The following SYNRG variants were observed in gnomAD, a reference collection of about 807,000 sequenced individuals.
The protein encoded by SYNRG is AP1 gamma subunit binding protein 1.
In SYNRG, 37 loss-of-function variants were observed where a neutral mutation model predicts 130.9. The observed-to-expected ratio is 0.28, with a 90% confidence interval of 0.22 to 0.37. The LOEUF (loss-of-function observed/expected upper bound fraction) is 0.37. Among genes scored for constraint, SYNRG ranks in the 10% least tolerant of loss-of-function variants. The probability of loss-of-function intolerance (pLI) is 1.00; values close to 1 mark genes in which losing one functional copy is unlikely to be tolerated. For synonymous variants in SYNRG, 539 were observed against 568.1 expected, an observed-to-expected ratio of 0.95 and a Z score of 0.73; for missense variants, 1,338 against 1,588.9, an observed-to-expected ratio of 0.84 and a Z score of 2.68.
chr17:37,556,454 A>C (rs1204221379), intron 13 of SYNRG, among the ~76,000 whole-genome samples: 1 of 151,738 alleles, frequency 6.6e-6, no homozygotes, highest in Non-Finnish European at 1.5e-5. Context: ...TCCGTATCAA[A>C]ATAAATAAAT....
intron 15 of SYNRG, chr17:37,541,056 G>A (rs1426833605): frequency 2.3e-5 from 23 of 985,548 alleles, no homozygotes; most frequent in East Asian, 1.1e-4. Flanking sequence ...GTTTCCCTGC[G>A]TTTCGTTTTC....
chr17:37,574,228 C>T (rs1383770271), intron 8 of SYNRG, among the ~76,000 whole-genome samples: 1 of 152,108 alleles, frequency 6.6e-6, no homozygotes, highest in Non-Finnish European at 1.5e-5. Flanking sequence ...AACTAGACCC[C>T]ATCCCACACC....
chr17:37,596,790 G>T (rs1206808999), intron 2 of SYNRG, among the ~76,000 whole-genome samples: 1 of 151,898 alleles, frequency 6.6e-6, no homozygotes, highest in Non-Finnish European at 1.5e-5. Flanking sequence ...TTGAGACAGA[G>T]TCTCACTCTG....
At chr17:37,547,784 T>C (rs1283632918) in intron 14 of SYNRG, among the ~76,000 whole-genome samples, 1 of 152,134 alleles carries the variant, frequency 6.6e-6, no homozygotes, top group Non-Finnish European at 1.5e-5. Flanking sequence ...CTTCTAAAAA[T>C]CAGCAGGGAT....
At chr17:37,524,293 G>T (rs376367248) in intron 19 of SYNRG, among the ~76,000 whole-genome samples, 2 of 152,056 alleles carry the variant, frequency 1.3e-5, no homozygotes, top group Non-Finnish European at 2.9e-5. Flanking sequence ...TATATGATCT[G>T]TATTTTTCCT....
At chr17:37,604,592 T>G (rs2063581897) in intron 1 of SYNRG, among the ~76,000 whole-genome samples, 2 of 152,250 alleles carry the variant, frequency 1.3e-5, no homozygotes, top group South Asian at 4.1e-4. Flanking sequence ...CTGTTTTACT[T>G]TCTTAACATT....
rs763805018 is a variant in SYNRG, at chr17:37,520,225, G to A, written c.3778-11C>T. On this transcript the variant is annotated splice_polypyrimidine_tract_variant and intron_variant, in intron 20 of 21. Transcript: ENST00000612223. ...AGGCTTCTCTTCTTTCTGAAATAAC[G>A]TTGAAACCACAGGTCAACAACATTC... 5.8e-5 allele frequency: 94 copies of A among 1,613,940 alleles called. No homozygotes were observed. The highest frequency in any genetic ancestry group is 8.8e-5 in the South Asian group (8 of 91,082).
chr17:37,537,631 AAAAAGAAAAG>A (rs935430541), intron 18 of SYNRG, among the ~76,000 whole-genome samples: 1 of 152,308 alleles, frequency 6.6e-6, no homozygotes, highest in Non-Finnish European at 1.5e-5. Flanking sequence ...ACCTGTCTTA[AAAAAGAAAAG>A]AAAAGAAAAG....
In SYNRG at chr17:37,561,519, T is replaced by C. The variant is rs780639990; in HGVS notation, c.1552A>G (p.Lys518Glu). 5.4e-5 allele frequency: 87 copies of C among 1,613,772 alleles called. No individual in the cohort carries two copies. The highest frequency in any genetic ancestry group is 7.0e-5 in the Non-Finnish European group (83 of 1,179,810). Residue 518 changes from lysine to glutamate, a missense_variant, in exon 12 of 22, where the codon AAA becomes GAA. Transcript: ENST00000612223. ...GAGGACTTGTCAGCTGCAATTCCTTTAAACACAGCATATTTGTCCATTGAA... is the reference window on the plus strand; with the variant it reads ...GAGGACTTGTCAGCTGCAATTCCTTCAAACACAGCATATTTGTCCATTGAA... ...LPSMDKYAVFKGIAADKSSEN... is the reference protein window; with the variant it reads ...LPSMDKYAVFEGIAADKSSEN...
chr17:37,567,726 GCTGA>G (rs2060100096), intron 11 of SYNRG: 1 of 152,172 alleles, frequency 6.6e-6, no homozygotes, highest in African/African-American at 2.4e-5. Flanking sequence ...GCAGCAAAGT[GCTGA>G]CTAAGAGATA....
chr17:37,549,096 T>C (rs530073845), intron 14 of SYNRG, among the ~76,000 whole-genome samples: 2 of 149,816 alleles, frequency 1.3e-5, no homozygotes, highest in East Asian at 2.0e-4. Context: ...GATTGTGCCA[T>C]TGCACTCCAG....
chr17:37,582,209 G>A (rs1355775903), intron 6 of SYNRG, among the ~76,000 whole-genome samples: 1 of 151,912 alleles, frequency 6.6e-6, no homozygotes, highest in Non-Finnish European at 1.5e-5. Flanking sequence ...TGGAGACCCT[G>A]CATACTTCTT....
At chr17:37,520,384 C>T (rs371386948) in intron 20 of SYNRG, among the ~76,000 whole-genome samples, 154 bp downstream of exon 20, 1 of 152,140 alleles carries the variant, frequency 6.6e-6, no homozygotes, top group East Asian at 1.9e-4. Flanking sequence ...GCTGCCCTCT[C>T]GAGGGAATGT....
intron 15 of SYNRG, chr17:37,541,015 T>C (rs767629530): frequency 4.1e-6 from 4 of 986,742 alleles, no homozygotes; most frequent in Non-Finnish European, 4.8e-6. Context: ...AAGCTACATG[T>C]TAAATCTTTT....
chr17:37,520,409 T>C, intron 20 of SYNRG, 129 bp downstream of exon 20: 1 of 1,108,154 alleles, frequency 9.0e-7, no homozygotes, highest in South Asian at 1.4e-5. Context: ...GCTCCTACCA[T>C]CAGCTTTTAG....
In SYNRG at chr17:37,518,982, GAC is replaced by G; in HGVS notation, c.3901_3902del (p.Val1301ArgfsTer11). On this transcript the variant is annotated frameshift_variant, in exon 22 of 22. Transcript: ENST00000612223. LOFTEE classifies it high-confidence loss of function. Reference protein sequence around the residue: ...ASCANFWINCVEPKPPGLVLP... With the variant: ...ASCANFWINCXEPKPPGLVLP... ...GGACGAGGCCAGGAGGCTTTGGTTC[GAC>G]ACAGTTGATCCAGAAGTTGGCACAG... 3 of 1,614,180 alleles carry G rather than the reference GAC, an allele frequency of 1.9e-6. No homozygotes were observed. Among genetic ancestry groups the G allele is most frequent in the Non-Finnish European group, 2.5e-6 (3 of 1,180,030 alleles).
At chr17:37,554,934 G>A (rs1053346298) in intron 13 of SYNRG, among the ~76,000 whole-genome samples, 2 of 151,858 alleles carry the variant, frequency 1.3e-5, no homozygotes, top group African/African-American at 2.4e-5. Context: ...GGTAACTGAC[G>A]GAATTGTTTA....
intron 19 of SYNRG, 107 bp downstream of exon 19, chr17:37,535,872 T>C: frequency 1.4e-6 from 2 of 1,453,030 alleles, no homozygotes; most frequent in South Asian, 1.2e-5. Flanking sequence ...CATGCTCCAG[T>C]TGGCACCTCC....
chr17:37,559,433 T>A (rs1487867723), intron 13 of SYNRG, among the ~76,000 whole-genome samples: 2 of 152,202 alleles, frequency 1.3e-5, no homozygotes, highest in Admixed American at 6.5e-5. Flanking sequence ...CTCACGCCTG[T>A]AATCCCAGCA....
Sources: allele counts gnomAD v4.1 joint callset (sites outside exome capture counted in the v4.1 genomes callset), GRCh38; gene constraint gnomAD v4.1.1; transcripts MANE v1.5; gene names NCBI Gene and HGNC (gene_info 2026-07-23, HGNC 2026-07-21).